MYH14: variants seen among roughly 807,000 people sequenced by gnomAD.
The protein encoded by MYH14 is myosin-14.
In MYH14, 123 loss-of-function variants were observed where a neutral mutation model predicts 255.5. The observed-to-expected ratio is 0.48, with a 90% CI of 0.42 to 0.56. MYH14 has a LOEUF of 0.56. MYH14 is among the 20% of genes least tolerant of loss of function. The probability of loss-of-function intolerance (pLI) is 0.00; values close to 1 mark genes in which losing one functional copy is unlikely to be tolerated. For missense variants in MYH14, 2,423 were observed against 2,802.3 expected (o/e 0.86, Z 3.06); for synonymous variants, 1,095 against 1,161.2 (o/e 0.94, Z 1.16).
intron 40 of MYH14, among the ~76,000 whole-genome samples, chr19:50,306,393 G>A (rs954194647): frequency 3.9e-5 from 6 of 152,136 alleles, no homozygotes; most frequent in African/African-American, 1.4e-4. Context: ...ATCCAGGGTG[G>A]CTGTCAAGCA....
chr19:50,255,160 C>G, intron 16 of MYH14, 60 bp from the exon 17 acceptor site: 2 of 1,105,444 alleles, frequency 1.8e-6, no homozygotes, highest in Non-Finnish European at 2.7e-6. Flanking sequence ...ATGCATCTCT[C>G]TCCGCCATCT....
At chr19:50,222,782 T>C (rs958663553) in intron 3 of MYH14, among the ~76,000 whole-genome samples, 4 of 152,072 alleles carry the variant, frequency 2.6e-5, no homozygotes, top group Non-Finnish European at 4.4e-5. Context: ...CAGCACACAG[T>C]AGGGTCTCAC....
At chr19:50,217,285 G>A (rs1396885258) in intron 2 of MYH14, among the ~76,000 whole-genome samples, 1 of 152,130 alleles carries the variant, frequency 6.6e-6, no homozygotes, top group Non-Finnish European at 1.5e-5. Flanking sequence ...TACAAAGAGT[G>A]CCTCAACCGG....
intron 10 of MYH14, among the ~76,000 whole-genome samples, chr19:50,237,043 C>T (rs1415066308): frequency 6.6e-6 from 1 of 152,156 alleles, no homozygotes. Context: ...TGAAATCATG[C>T]CGTATATGAT....
At chr19:50,233,809 T>TCCCCCCGCCC (rs1397858973) in intron 10 of MYH14, among the ~76,000 whole-genome samples, 1 of 51,992 alleles carries the variant, frequency 1.9e-5, no homozygotes, top group Non-Finnish European at 3.8e-5. Flanking sequence ...CCCTCCCCCC[T>TCCCCCCGCCC]CCCCCCGACC....
chr19:50,275,362 C>T (rs1027241431), intron 27 of MYH14, among the ~76,000 whole-genome samples: 9 of 152,198 alleles, frequency 5.9e-5, no homozygotes, highest in Non-Finnish European at 1.2e-4. Context: ...CTCACGGACC[C>T]GGTAACCTCG....
At chr19:50,288,795 G>T (rs1056907198) in intron 34 of MYH14, among the ~76,000 whole-genome samples, 1 of 152,182 alleles carries the variant, frequency 6.6e-6, no homozygotes, top group Non-Finnish European at 1.5e-5. Context: ...CCAGGAGCAT[G>T]GGTAGCAGAG....
chr19:50,290,826 G>A (rs1486681993), intron 35 of MYH14, 61 bp from the exon 36 acceptor site: 1 of 1,506,356 alleles, frequency 6.6e-7, no homozygotes, highest in African/African-American at 1.4e-5. Flanking sequence ...CATGTCCCTA[G>A]CACACAGAGG....
intron 40 of MYH14, among the ~76,000 whole-genome samples, chr19:50,305,177 T>C (rs1319731297): frequency 1.3e-5 from 2 of 151,496 alleles, no homozygotes; most frequent in African/African-American, 4.9e-5. Context: ...AAGGTGGGAA[T>C]GGATCAGAGG....
chr19:50,250,754 A>G lies in MYH14; in HGVS notation c.1830+66A>G. Reference sequence around the variant, plus strand: ...ATCAAGGGATCTCCACTGGCTACAGATGGGGGGAGGGTGCAGAGGGAAAAC... The same window carrying G: ...ATCAAGGGATCTCCACTGGCTACAGGTGGGGGGAGGGTGCAGAGGGAAAAC... On this transcript the variant is annotated intron_variant, in intron 15 of 42. Coordinates refer to ENST00000642316, the MANE Select transcript of MYH14 (RefSeq NM_001145809.2). The surrounding 1 kb of genome is among the most constrained non-coding windows in gnomAD (Gnocchi z 5.4). The G allele has an allele frequency of 6.6e-7, 1 of 1,518,286 alleles. No homozygotes were observed. Among genetic ancestry groups the G allele is most frequent in the South Asian group, 1.2e-5 (1 of 81,380 alleles). The allele number at this position is 1,518,286 out of a possible 1,614,324, so 94.1% of individuals were successfully genotyped here. A position where few individuals can be genotyped will look rare whatever the true frequency, so the allele number is the denominator to read the frequency against.
chr19:50,241,733 T>C (rs1423719546), intron 10 of MYH14, among the ~76,000 whole-genome samples: 2 of 152,056 alleles, frequency 1.3e-5, no homozygotes, highest in Non-Finnish European at 1.5e-5. Flanking sequence ...GCCTCGACTT[T>C]CCAGGCTCAG....
At chr19:50,242,332 T>C (rs965830350) in intron 10 of MYH14, among the ~76,000 whole-genome samples, 2 of 152,194 alleles carry the variant, frequency 1.3e-5, no homozygotes, top group South Asian at 2.1e-4. Context: ...CTGGGTAATT[T>C]ATAAAGTAAA....
chr19:50,306,980 A>C (rs1230911808), intron 40 of MYH14, 69 bp from the exon 41 acceptor site: 68 of 1,131,388 alleles, frequency 6.0e-5, no homozygotes, highest in Non-Finnish European at 8.2e-5. Flanking sequence ...CAGCCACTGC[A>C]TGAGTCTATG....
At chr19:50,231,080 C>T in intron 9 of MYH14, 1 of 186,242 alleles carries the variant, frequency 5.4e-6, no homozygotes, top group Non-Finnish European at 1.1e-5. Context: ...CCGGAGTCCT[C>T]CTGTCCCTGC....
chr19:50,233,816 GA>G (rs1457389042), intron 10 of MYH14, among the ~76,000 whole-genome samples: 13 of 15,776 alleles, frequency 8.2e-4, no homozygotes, highest in South Asian at 3.0e-3. Context: ...CCCTCCCCCC[GA>G]CCCCCCCGCC....
Position 50,280,012 on chromosome 19 carries a change from C to T in MYH14, c.4033-25C>T. On this transcript the variant is annotated intron_variant, in intron 30 of 42. Transcript: ENST00000642316. The surrounding 1 kb of genome is among the most constrained non-coding windows in gnomAD (Gnocchi z 4.8). Reference sequence around the variant, plus strand: ...CTGGGTGGAAGCCACGATTGGAGGGCTTCATTCCCGTCCCTTCCCTGCAGG... The same window carrying T: ...CTGGGTGGAAGCCACGATTGGAGGGTTTCATTCCCGTCCCTTCCCTGCAGG... The T allele has an allele frequency of 1.3e-6, 2 of 1,566,658 alleles. No individual in the cohort carries two copies. The highest frequency in any genetic ancestry group is 2.7e-5 in the African/African-American group (2 of 74,078).
intron 1 of MYH14, among the ~76,000 whole-genome samples, chr19:50,208,611 T>C (rs2123147220): frequency 6.6e-6 from 1 of 152,312 alleles, no homozygotes; most frequent in East Asian, 1.9e-4. Context: ...CTCTGTCAAA[T>C]AGCAATATAA....
chr19:50,262,159 G>T (rs2034906963), intron 21 of MYH14, among the ~76,000 whole-genome samples: 1 of 152,172 alleles, frequency 6.6e-6, no homozygotes, highest in Admixed American at 6.5e-5. Context: ...AATGGGAAAG[G>T]TGATCAGGGC....
chr19:50,224,383 G>C (rs970811353), intron 6 of MYH14, among the ~76,000 whole-genome samples: 1 of 152,134 alleles, frequency 6.6e-6, no homozygotes, highest in Non-Finnish European at 1.5e-5. Context: ...ACAATCCAGA[G>C]AACAAAACTG....
Sources: allele counts gnomAD v4.1 joint callset (sites outside exome capture counted in the v4.1 genomes callset), GRCh38; gene constraint gnomAD v4.1.1; non-coding constraint Gnocchi (gnomAD v3.1); transcripts MANE v1.5; gene names NCBI Gene and HGNC (gene_info 2026-07-23, HGNC 2026-07-21).